COQ2: variants seen among roughly 807,000 people sequenced by gnomAD.
COQ2 encodes 4-hydroxybenzoate polyprenyltransferase, mitochondrial.
In COQ2, 25 loss-of-function variants were observed where a neutral mutation model predicts 35.7. That is an observed-to-expected ratio of 0.70 (90% CI 0.51 to 0.98). The LOEUF is 0.98. Among genes scored for constraint, COQ2 ranks in the 50% least tolerant of loss-of-function variants. COQ2 has a pLI of 0.00. For synonymous variants in COQ2, 206 were observed against 186.2 expected, an observed-to-expected ratio of 1.11 and a Z score of -0.86; for missense variants, 488 against 473.5, an observed-to-expected ratio of 1.03 and a Z score of -0.28.
chr4:83,284,630 G>C lies in COQ2; in HGVS notation c.135C>G (p.Pro45=). 3 of 1,512,080 alleles carry C rather than the reference G, an allele frequency of 2.0e-6. No individual in the cohort carries two copies. The highest frequency in any genetic ancestry group is 1.5e-5 in the African/African-American group (1 of 68,876). 93.7% of individuals were successfully genotyped at this position (1,512,080 alleles called of 1,614,324 possible). Residue 45 remains proline (P), a synonymous_variant, in exon 1 of 7, where the codon CCC becomes CCG. Coordinates refer to ENST00000647002, the MANE Select transcript of COQ2 (RefSeq NM_001358921.2). ...GCCCGCGCGGCTCGGGACAGGCGGG[G>C]GGCTGCAAGTCACCACCGTGGGGCG... ...AGAPHGGDLQ[P]PACPEPRGRQ...
intron 1 of COQ2, chr4:83,284,095 C>A: frequency 3.0e-6 from 3 of 985,370 alleles, no homozygotes; most frequent in Non-Finnish European, 3.6e-6. Flanking sequence ...TACAAGATTG[C>A]GGGGAGGATC....
rs200791648 is a variant in COQ2, at chr4:83,273,544, C to T, written c.494G>A (p.Gly165Glu). 35 of 1,613,634 alleles carry T rather than the reference C, an allele frequency of 2.2e-5. No homozygotes were observed. The African/African-American group carries it at 3.3e-4, about 15-fold the overall frequency. The part of the protein sequence containing the change: ...STFQSFVFLG[G>E]QLTLALGVLL... ...AACACCCAGTGCCAGGGTTAGCTGT[C>T]CCCCAAGAAAAACAAAGGACTGAAA... The change falls in exon 3 of 7, where the codon GGA becomes GAA. Residue 165 changes from glycine (G) to glutamate (E), a missense_variant. By Grantham distance (98) the Gly-to-Glu change is moderately conservative. Transcript: ENST00000647002.
intron 2 of COQ2, among the ~76,000 whole-genome samples, chr4:83,275,918 G>A (rs1202434431): frequency 6.7e-6 from 1 of 150,216 alleles, no homozygotes; most frequent in Non-Finnish European, 1.5e-5. Flanking sequence ...ATTTTTTAAA[G>A]TGAAGAACTA....
chr4:83,279,929 T>C (rs1448543940), intron 1 of COQ2, among the ~76,000 whole-genome samples: 2 of 149,310 alleles, frequency 1.3e-5, no homozygotes, highest in Non-Finnish European at 3.0e-5. Context: ...GGCATAATCG[T>C]AGCTCACTGT....
At chr4:83,279,777 A>T in intron 1 of COQ2, among the ~76,000 whole-genome samples, 1 of 151,834 alleles carries the variant, frequency 6.6e-6, no homozygotes, top group East Asian at 1.9e-4. Context: ...TGAATATTGT[A>T]TCATATACAC....
chr4:83,268,608 G>A (rs751747344), intron 5 of COQ2, among the ~76,000 whole-genome samples: 1 of 152,192 alleles, frequency 6.6e-6, no homozygotes, highest in Non-Finnish European at 1.5e-5. Flanking sequence ...CCACAAAAGT[G>A]CCAATGAGTA....
chr4:83,266,672 A>G (rs1366236504), intron 6 of COQ2: 2 of 154,326 alleles, frequency 1.3e-5, no homozygotes, highest in Non-Finnish European at 2.9e-5. Context: ...TCAATTTATT[A>G]GCAAGTGATT....
At chr4:83,273,644 G>C in intron 2 of COQ2, 27 bp from the exon 3 acceptor site, 1 of 1,606,476 alleles carries the variant, frequency 6.2e-7, no homozygotes, top group Non-Finnish European at 8.5e-7. Flanking sequence ...AGATACCTTA[G>C]CTTCATGTAA....
intron 5 of COQ2, among the ~76,000 whole-genome samples, chr4:83,268,935 C>G (rs544844791): frequency 6.6e-6 from 1 of 152,140 alleles, no homozygotes; most frequent in African/African-American, 2.4e-5. Flanking sequence ...AGAACATGTA[C>G]TATCAAATCA....
chr4:83,285,000 G>A (rs1735439115), upstream of COQ2: 12 of 976,822 alleles, frequency 1.2e-5, no homozygotes, highest in Non-Finnish European at 1.8e-5. Flanking sequence ...AAATTTAGTT[G>A]TAATTTTTTA....
chr4:83,284,397 G>A, intron 1 of COQ2, 115 bp downstream of exon 1: 3 of 1,427,374 alleles, frequency 2.1e-6, no homozygotes, highest in South Asian at 1.5e-5. Flanking sequence ...CCAAGCCCAA[G>A]CTTTCAGGTT....
rs1577993082 is a variant in COQ2 at position 83,283,694 on chromosome 4, T to C, written c.253+818A>G. On this transcript the variant is annotated intron_variant, in intron 1 of 6. Coordinates refer to ENST00000647002, the MANE Select transcript of COQ2 (RefSeq NM_001358921.2). ...AGCAAAGGGTTTCCATAGCTTTTTCTATCTCTATGGCCGGACAACGTAGTA... is the reference window on the plus strand; with the variant it reads ...AGCAAAGGGTTTCCATAGCTTTTTCCATCTCTATGGCCGGACAACGTAGTA... 3.3e-5 allele frequency: 33 copies of C among 985,330 alleles called. No individual in the cohort carries two copies. In the South Asian group the frequency reaches 1.4e-3, roughly 41 times the overall value. The allele number at this position is 985,330 out of a possible 1,614,324, so 61.0% of individuals were successfully genotyped here.
At chr4:83,277,201 A>C (rs1466983372) in intron 2 of COQ2, among the ~76,000 whole-genome samples, 1 of 152,216 alleles carries the variant, frequency 6.6e-6, no homozygotes, top group African/African-American at 2.4e-5. Flanking sequence ...TTTTAAAGAA[A>C]AAAAAAGGAC....
chr4:83,283,497 C>T (rs1277034727), intron 1 of COQ2: 1 of 985,370 alleles, frequency 1.0e-6, no homozygotes, highest in African/African-American at 1.7e-5. Context: ...CTTCCCTCCT[C>T]TGCAAAATCA....
chr4:83,273,673 A>G (rs1003416138), intron 2 of COQ2, 56 bp from the exon 3 acceptor site: 19 of 1,563,054 alleles, frequency 1.2e-5, no homozygotes, highest in East Asian at 2.3e-5. Context: ...TCATTTATTT[A>G]AACATTTAAT....
intron 2 of COQ2, among the ~76,000 whole-genome samples, chr4:83,276,624 T>C (rs190299909): frequency 1.1e-4 from 16 of 152,314 alleles, no homozygotes; most frequent in African/African-American, 3.6e-4. Context: ...ACAATCTCTA[T>C]GGAAAACAGC....
chr4:83,272,148 T>C lies in COQ2; in HGVS notation c.567A>G (p.Leu189=). 6.2e-7 allele frequency: 1 copy of C among 1,610,716 alleles called. No individual in the cohort carries two copies. The highest frequency in any genetic ancestry group is 8.5e-7 in the Non-Finnish European group (1 of 1,178,270). Residue 189 remains leucine, a synonymous_variant, in exon 4 of 7, where the codon TTA becomes TTG. Coordinates refer to ENST00000647002, the MANE Select transcript of COQ2 (RefSeq NM_001358921.2). ...TTAGTGGGTAGGTGATGACAAGAAGTAAGGATCCTGCTCCCAGAGCTATAC... is the reference window on the plus strand; with the variant it reads ...TTAGTGGGTAGGTGATGACAAGAAGCAAGGATCCTGCTCCCAGAGCTATAC... The part of the protein sequence containing the change: ...YYSIALGAGS[L]LLVITYPLMK...
chr4:83,284,832 G>T (rs371993270), upstream of COQ2: 103 of 1,559,416 alleles, frequency 6.6e-5, no homozygotes, highest in Non-Finnish European at 8.2e-5. Flanking sequence ...AGTGGCACCC[G>T]CAGGATGCAA....
chr4:83,265,424 G>A (rs1490000489), intron 6 of COQ2, among the ~76,000 whole-genome samples: 1 of 151,976 alleles, frequency 6.6e-6, no homozygotes. Flanking sequence ...ATACAAAAAT[G>A]AGCTGGGCAT....
Sources: gnomAD v4.1 joint callset for allele counts (sites outside exome capture counted in the v4.1 genomes callset) on GRCh38, gnomAD v4.1.1 for gene constraint, MANE v1.5 for transcripts, NCBI Gene and HGNC (gene_info 2026-07-23, HGNC 2026-07-21) for gene names.